The following RASL10A variants were observed in gnomAD, a reference collection of about 807,000 sequenced individuals.
RASL10A encodes the protein ras-like protein family member 10A.
A neutral mutation model predicts 17.3 loss-of-function variants in RASL10A; 13 were observed. The observed-to-expected ratio is 0.75, with a 90% CI of 0.49 to 1.20. The LOEUF (loss-of-function observed/expected upper bound fraction) is 1.20, where lower values mean the gene tolerates loss of function less well. RASL10A is among the 50% of genes most tolerant of loss of function. The pLI is 0.00. For synonymous variants in RASL10A, 159 were observed against 142.2 expected (o/e 1.12, Z -0.84); for missense variants, 307 against 310.3 (o/e 0.99, Z 0.08).
rs541143647 is a variant in RASL10A at position 29,315,037 on chromosome 22, C to T, written c.210G>A (p.Gly70=). 2 of 1,510,480 alleles carry T rather than the reference C, an allele frequency of 1.3e-6. No individual in the cohort carries two copies. Among genetic ancestry groups the T allele is most frequent in the East Asian group, 2.6e-5 (1 of 37,854 alleles). The allele number at this position is 1,510,480 out of a possible 1,614,324, so 93.6% of individuals were successfully genotyped here. A position where few individuals can be genotyped will look rare whatever the true frequency, so the allele number is the denominator to read the frequency against. ...GDVAGPGSSP[G]GPEEWPDAKD... ...CTCCTCGAGCCGCTACCTCCGGACC[C>T]CCGGGGCTCGAGCCGGGGCCAGCGA... is the stretch of plus-strand genomic sequence containing the variant. The change falls in exon 1 of 3, where the codon GGG becomes GGA. Residue 70 remains glycine, a synonymous_variant. Transcript: ENST00000216101. The surrounding 1 kb of genome is among the most constrained non-coding windows in gnomAD (Gnocchi z 5.5).
chr22:29,319,046 G>A (rs1376178652), upstream of RASL10A, among the ~76,000 whole-genome samples: 1 of 152,166 alleles, frequency 6.6e-6, no homozygotes, highest in Non-Finnish European at 1.5e-5. Context: ...GGGGAGGGCT[G>A]GGCAGGGGCA....
intron 1 of RASL10A, chr22:29,314,216 G>GT (rs752193712): frequency 1.3e-4 from 70 of 528,062 alleles, no homozygotes; most frequent in Non-Finnish European, 2.1e-4. Flanking sequence ...TCTCCCCTCT[G>GT]TTTACCCCGA....
upstream of RASL10A, among the ~76,000 whole-genome samples, chr22:29,316,536 G>T (rs1030659202): frequency 1.7e-4 from 19 of 112,932 alleles, 2 homozygotes; most frequent in African/African-American, 5.0e-4. Context: ...CAAAACAGGC[G>T]CCCAGAGCCC....
Position 29,313,921 on chromosome 22 carries a change from A to C in RASL10A, c.286T>G (p.Cys96Gly). 1 of 1,614,020 alleles carries C rather than the reference A, an allele frequency of 6.2e-7. No individual in the cohort carries two copies. The highest frequency in any genetic ancestry group is 1.3e-5 in the African/African-American group (1 of 75,068). The change falls in exon 2 of 3, where the codon TGC becomes GGC. Residue 96 changes from cysteine to glycine, a missense_variant. Physicochemically the swap from Cys to Gly is radical, Grantham distance 159. Transcript: ENST00000216101. ...ACGTAGTCGAAACTGTCCGGGCTGC[A>C]GATGTCGTAGACGAGCACGAAGGCG... ...TDAFVLVYDI[C>G]SPDSFDYVKA...
intron 1 of RASL10A, chr22:29,314,205 G>C (rs764669529): frequency 1.7e-6 from 1 of 572,214 alleles, no homozygotes; most frequent in Non-Finnish European, 3.0e-6. Context: ...TTCATCCTTG[G>C]TCTCCCCTCT....
Position 29,314,162 on chromosome 22 carries a change from C to T in RASL10A, c.220-175G>A, listed in dbSNP as rs142199226. The T allele has an allele frequency of 3.9e-5, 31 of 801,922 alleles. 2 individuals carry two copies. The African/African-American group carries it at 4.9e-4, about 13-fold the overall frequency. 49.7% of individuals were successfully genotyped at this position (801,922 alleles called of 1,614,324 possible). A position where few individuals can be genotyped will look rare whatever the true frequency, so the allele number is the denominator to read the frequency against. On this transcript the variant is annotated intron_variant, in intron 1 of 2. Transcript: ENST00000216101. ...TCATGACCACCAGGGTAAAATTTTC[C>T]AAATCGTGCCTGGAGCCTGTCAGCC...
Position 29,313,475 on chromosome 22 carries a change from G to A in RASL10A, c.438C>T (p.Ala146=), listed in dbSNP as rs1457324724. Residue 146 remains alanine, a synonymous_variant, in exon 3 of 3, where the codon GCC becomes GCT. Coordinates refer to ENST00000216101, the MANE Select transcript of RASL10A (RefSeq NM_006477.5). The part of the protein sequence containing the change: ...LRFGPRRALA[A]LVRRGWRCGY... The stretch of plus-strand genomic sequence containing the variant: ...CGCAGCGCCAGCCCCTGCGCACTAG[G>A]GCGGCCAGCGCGCGCCGCGGTCCGA... 1.3e-6 allele frequency: 2 copies of A among 1,549,938 alleles called. No homozygotes were observed. The highest frequency in any genetic ancestry group is 2.7e-5 in the African/African-American group (2 of 73,436).
In RASL10A at chr22:29,315,175, G is replaced by C. The variant is rs1009539769; in HGVS notation, c.72C>G (p.Phe24Leu). ...GGCGCTCGGGGTAGTCACCGAACAG[G>C]AACTGGCGGATGATGGCCGTCTTGC... The part of the protein sequence containing the change: ...GVGKTAIIRQ[F>L]LFGDYPERHR... Residue 24 changes from phenylalanine (F) to leucine (L), a missense_variant, in exon 1 of 3, where the codon TTC (phenylalanine) becomes TTG (leucine). Phe to Leu is a conservative substitution (Grantham distance 22). Coordinates refer to ENST00000216101, the MANE Select transcript of RASL10A (RefSeq NM_006477.5). The surrounding 1 kb of genome is among the most constrained non-coding windows in gnomAD (Gnocchi z 5.5). The C allele has an allele frequency of 1.3e-6, 2 of 1,540,978 alleles. No homozygotes were observed. The highest frequency in any genetic ancestry group is 1.7e-6 in the Non-Finnish European group (2 of 1,150,602).
rs2061447410 is a variant in RASL10A, at chr22:29,315,328, G to A, written c.-82C>T. 1.0e-6 allele frequency: 1 copy of A among 973,884 alleles called. No individual in the cohort carries two copies. The highest frequency in any genetic ancestry group is 1.3e-6 in the Non-Finnish European group (1 of 759,720). The allele number at this position is 973,884 out of a possible 1,614,324, so 60.3% of individuals were successfully genotyped here. A position where few individuals can be genotyped will look rare whatever the true frequency, so the allele number is the denominator to read the frequency against. On this transcript the variant is annotated 5_prime_UTR_variant, in exon 1 of 3. Coordinates refer to ENST00000216101, the MANE Select transcript of RASL10A (RefSeq NM_006477.5). This position sits in a 1 kb window ranked among gnomAD's most constrained non-coding sequence, Gnocchi z 5.5. ...CGTGCGCCCCCAGGCCGTGCGCCCC[G>A]CGCGCCCTGCCCGGTGCGCCACGGC...
Position 29,315,091 on chromosome 22 carries a change from G to A in RASL10A, c.156C>T (p.Val52=). ...CGCCGTCGCGGATGCTCAAGTCGTA[G>A]ACGGCGCCGTCGAGCAGCACCGCGG... is the stretch of plus-strand genomic sequence containing the variant. ...YRPAVLLDGA[V]YDLSIRDGDV... Residue 52 remains valine (V), a synonymous_variant, in exon 1 of 3, where the codon GTC becomes GTT. Transcript: ENST00000216101. The surrounding 1 kb of genome is among the most constrained non-coding windows in gnomAD (Gnocchi z 5.5). 1 of 1,526,834 alleles carries A rather than the reference G, an allele frequency of 6.5e-7. No homozygotes were observed. Among genetic ancestry groups the A allele is most frequent in the South Asian group, 1.2e-5 (1 of 82,728 alleles). 94.6% of individuals were successfully genotyped at this position (1,526,834 alleles called of 1,614,324 possible).
chr22:29,313,739 C>T (rs2061435564), intron 2 of RASL10A, 124 bp downstream of exon 2: 8 of 1,487,130 alleles, frequency 5.4e-6, no homozygotes, highest in Non-Finnish European at 6.3e-6. Flanking sequence ...CAGCTTAAGA[C>T]CTTCCCACGG....
rs1481391758 is a variant in RASL10A, at chr22:29,315,135, C to A, written c.112G>T (p.Gly38Trp). 1.1e-5 allele frequency: 17 copies of A among 1,531,242 alleles called. No homozygotes were observed. The highest frequency in any genetic ancestry group is 5.2e-5 in the East Asian group (2 of 38,806). The allele number at this position is 1,531,242 out of a possible 1,614,324, so 94.9% of individuals were successfully genotyped here. A position where few individuals can be genotyped will look rare whatever the true frequency, so the allele number is the denominator to read the frequency against. The change falls in exon 1 of 3, where the codon GGG becomes TGG. Residue 38 changes from glycine to tryptophan, a missense_variant. Transcript: ENST00000216101. The surrounding 1 kb of genome is among the most constrained non-coding windows in gnomAD (Gnocchi z 5.5). ...DYPERHRPTD[G>W]PRLYRPAVLL... ...ACCGCGGGTCGGTAGAGGCGCGGCCCGTCCGTGGGCCGGTGGCGCTCGGGG... is the reference window on the plus strand; with the variant it reads ...ACCGCGGGTCGGTAGAGGCGCGGCCAGTCCGTGGGCCGGTGGCGCTCGGGG...
In RASL10A at chr22:29,315,531, C is replaced by G. The variant is rs1349829891; in HGVS notation, c.-285G>C. ...GAGCAGAGCCGGAGCGGCGCTCAGA[C>G]ACCGCCTCCGCCCCGCAGCGCCAAC... On this transcript the variant is annotated 5_prime_UTR_variant, in exon 1 of 3. Coordinates refer to ENST00000216101, the MANE Select transcript of RASL10A (RefSeq NM_006477.5). This position sits in a 1 kb window ranked among gnomAD's most constrained non-coding sequence, Gnocchi z 5.5. 1.0e-5 allele frequency: 2 copies of G among 199,930 alleles called. No individual in the cohort carries two copies. Among genetic ancestry groups the G allele is most frequent in the Non-Finnish European group, 2.0e-5 (2 of 100,258 alleles). 12.4% of individuals were successfully genotyped at this position (199,930 alleles called of 1,614,324 possible).
chr22:29,318,464 G>A (rs2061462996), upstream of RASL10A, among the ~76,000 whole-genome samples: 4 of 152,200 alleles, frequency 2.6e-5, no homozygotes, highest in Admixed American at 2.6e-4. Context: ...CTGAAGCTCA[G>A]CCCCCAGTGA....
At chr22:29,316,111 T>A (rs994299698), upstream of RASL10A, among the ~76,000 whole-genome samples, 8 of 152,286 alleles carry the variant, frequency 5.3e-5, no homozygotes, top group Non-Finnish European at 1.0e-4. Flanking sequence ...GGCTCCAACC[T>A]TTTCTTGAGA....
upstream of RASL10A, among the ~76,000 whole-genome samples, chr22:29,318,333 G>A (rs1473944733): frequency 1.3e-5 from 2 of 152,216 alleles, no homozygotes; most frequent in African/African-American, 2.4e-5. Flanking sequence ...CCATGATTGG[G>A]CCACAGTTGC....
At chr22:29,313,818 C>T (rs756548914) in intron 2 of RASL10A, 45 bp downstream of exon 2, 1 of 1,607,650 alleles carries the variant, frequency 6.2e-7, no homozygotes, top group Non-Finnish European at 8.5e-7. Flanking sequence ...AAGGCCCTGC[C>T]AGACCTGTCC....
chr22:29,318,007 T>C (rs2061461501), upstream of RASL10A, among the ~76,000 whole-genome samples: 1 of 152,224 alleles, frequency 6.6e-6, no homozygotes, highest in Non-Finnish European at 1.5e-5. Context: ...TTTTAAGGTG[T>C]TCTCAATGCT....
chr22:29,314,936 G>A (rs1032079679), intron 1 of RASL10A, 92 bp downstream of exon 1: 19 of 1,066,666 alleles, frequency 1.8e-5, no homozygotes, highest in Non-Finnish European at 2.0e-5. Context: ...ACAGCCAGGC[G>A]CCCGAGGCCT....
Sources: gnomAD v4.1 joint callset for allele counts (sites outside exome capture counted in the v4.1 genomes callset) on GRCh38, gnomAD v4.1.1 for gene constraint, Gnocchi (gnomAD v3.1) non-coding constraint, MANE v1.5 for transcripts, NCBI Gene and HGNC (gene_info 2026-07-23, HGNC 2026-07-21) for gene names.